The following HSD17B12 variants were observed in gnomAD, a reference collection of about 807,000 sequenced individuals.
The protein encoded by HSD17B12 is hydroxysteroid 17-beta dehydrogenase 12.
In HSD17B12, 32 loss-of-function variants were observed where a neutral mutation model predicts 39.3. That is an observed-to-expected ratio of 0.81 (90% CI 0.61 to 1.09). The LOEUF is 1.09. HSD17B12 is among the 50% of genes least tolerant of loss of function. The probability of loss-of-function intolerance (pLI) is 0.00; values close to 1 mark genes in which losing one functional copy is unlikely to be tolerated. For synonymous variants in HSD17B12, 150 were observed against 146.7 expected, an observed-to-expected ratio of 1.02 and a Z score of -0.16; for missense variants, 342 against 382.9, an observed-to-expected ratio of 0.89 and a Z score of 0.89.
the HSD17B12 span, among the ~76,000 whole-genome samples, chr11:43,613,683 T>C: frequency 6.6e-6 from 1 of 152,076 alleles, no homozygotes; most frequent in Non-Finnish European, 1.5e-5. Flanking sequence ...TTTTTTTTTT[T>C]TGAGATGGAG....
At chr11:43,678,216 C>A (rs374576903), upstream of HSD17B12, among the ~76,000 whole-genome samples, 2 of 152,154 alleles carry the variant, frequency 1.3e-5, no homozygotes, top group Non-Finnish European at 2.9e-5. Context: ...TGTCTGTTGC[C>A]TGCATAAATG....
At chr11:43,634,096 AAAAAAAAAAAAAAG>A in the HSD17B12 span, among the ~76,000 whole-genome samples, 1 of 149,304 alleles carries the variant, frequency 6.7e-6, no homozygotes, top group Non-Finnish European at 1.5e-5. Context: ...AAAAAAAAAA[AAAAAAAAAAAAAAG>A]AAAGACACAT....
At chr11:43,665,789 A>G in the HSD17B12 span, among the ~76,000 whole-genome samples, 11 of 152,298 alleles carry the variant, frequency 7.2e-5, no homozygotes, top group Admixed American at 5.2e-4. Flanking sequence ...ACACACACAC[A>G]CAAGCATGCC....
chr11:43,751,700 C>G lies in HSD17B12; in HGVS notation c.207+743C>G, dbSNP rs188144776. Among the ~76,000 whole-genome samples, 799 of 152,288 alleles carry G rather than the reference C, an allele frequency of 5.2e-3. 3 individuals are homozygous for G. Among genetic ancestry groups the G allele is most frequent in the Middle Eastern group, 0.02 (6 of 294 alleles). The stretch of plus-strand genomic sequence containing the variant: ...AGAAAAGTTGCAAGAATATAACAAA[C>G]ACCTGTATACTCTTCACCTGGATTC... On this transcript the variant is annotated intron_variant, in intron 2 of 10. Coordinates refer to ENST00000278353, the MANE Select transcript of HSD17B12 (RefSeq NM_016142.3).
chr11:43,828,478 C>T (rs1037744425), intron 6 of HSD17B12, among the ~76,000 whole-genome samples: 2 of 152,070 alleles, frequency 1.3e-5, no homozygotes, highest in African/African-American at 4.8e-5. Context: ...TAAAATTGTT[C>T]GCTATACACT....
At chr11:43,572,523 G>C in the HSD17B12 span, among the ~76,000 whole-genome samples, 1 of 152,160 alleles carries the variant, frequency 6.6e-6, no homozygotes, top group Admixed American at 6.5e-5. Context: ...AATTTGATCT[G>C]ATCCTTAGTT....
intron 3 of HSD17B12, among the ~76,000 whole-genome samples, chr11:43,757,434 C>A (rs1950516056): frequency 6.7e-6 from 1 of 150,082 alleles, no homozygotes; most frequent in African/African-American, 2.5e-5. Context: ...GAGATCGAGA[C>A]CATCCTGGCT....
chr11:43,623,781 CCTG>C, the HSD17B12 span, among the ~76,000 whole-genome samples: 3 of 151,576 alleles, frequency 2.0e-5, no homozygotes, highest in Non-Finnish European at 4.4e-5. Context: ...AAAGTAAAAC[CCTG>C]GTATGTTTGA....
At chr11:43,613,890 C>T in the HSD17B12 span, among the ~76,000 whole-genome samples, 2 of 152,180 alleles carry the variant, frequency 1.3e-5, no homozygotes, top group African/African-American at 4.8e-5. Context: ...TGGCCTCAAA[C>T]TCCTAACCTC....
At chr11:43,832,259 C>T (rs1174003363) in intron 7 of HSD17B12, among the ~76,000 whole-genome samples, 2 of 152,262 alleles carry the variant, frequency 1.3e-5, no homozygotes, top group African/African-American at 4.8e-5. Flanking sequence ...TTTGGGCCAT[C>T]ACCTTAATCC....
intron 9 of HSD17B12, among the ~76,000 whole-genome samples, chr11:43,845,311 A>G (rs1191462127): frequency 1.3e-5 from 2 of 152,224 alleles, no homozygotes; most frequent in African/African-American, 2.4e-5. Context: ...ATATGTAACC[A>G]CAATACCCGT....
the HSD17B12 span, among the ~76,000 whole-genome samples, chr11:43,602,753 C>T: frequency 2.0e-5 from 3 of 152,094 alleles, no homozygotes; most frequent in South Asian, 2.1e-4. Context: ...GCTGTATCAT[C>T]TTAGTTGTTG....
At chr11:43,559,029 G>A in the HSD17B12 span, among the ~76,000 whole-genome samples, 1 of 152,144 alleles carries the variant, frequency 6.6e-6, no homozygotes, top group African/African-American at 2.4e-5. Flanking sequence ...CCCTGGATCT[G>A]CCGGTGTGAA....
chr11:43,582,249 G>T, the HSD17B12 span, among the ~76,000 whole-genome samples: 1 of 152,186 alleles, frequency 6.6e-6, no homozygotes, highest in Non-Finnish European at 1.5e-5. Context: ...GGTTGTGCCC[G>T]ACTCAGACGC....
At chr11:43,839,857 GTTCTC>G (rs1232945166) in intron 8 of HSD17B12, 137 bp from the exon 9 acceptor site, 25 of 697,824 alleles carry the variant, frequency 3.6e-5, no homozygotes, top group Non-Finnish European at 4.9e-5. Flanking sequence ...GTTTTTCTAA[GTTCTC>G]TTCTGCGTTT....
chr11:43,604,121 C>A, the HSD17B12 span, among the ~76,000 whole-genome samples: 1 of 151,818 alleles, frequency 6.6e-6, no homozygotes, highest in East Asian at 1.9e-4. Flanking sequence ...TTATTAATTC[C>A]CAGATATATT....
the HSD17B12 span, chr11:43,670,427 C>G: frequency 6.6e-5 from 10 of 152,160 alleles, no homozygotes; most frequent in Admixed American, 2.0e-4. Context: ...AGCAGTAGAA[C>G]GATATACAAC....
chr11:43,685,010 T>A (rs1340461834), intron 1 of HSD17B12, among the ~76,000 whole-genome samples: 2 of 152,222 alleles, frequency 1.3e-5, no homozygotes, highest in African/African-American at 4.8e-5. Context: ...TTTTCAAGTT[T>A]CATCTATGAA....
the HSD17B12 span, among the ~76,000 whole-genome samples, chr11:43,671,818 A>G: frequency 6.6e-6 from 1 of 152,216 alleles, no homozygotes; most frequent in Non-Finnish European, 1.5e-5. Flanking sequence ...CAAATTGCCA[A>G]CTGTTAGTGG....
Sources: allele counts gnomAD v4.1 joint callset (sites outside exome capture counted in the v4.1 genomes callset), GRCh38; gene constraint gnomAD v4.1.1; transcripts MANE v1.5; gene names NCBI Gene and HGNC (gene_info 2026-07-23, HGNC 2026-07-21).